DIDO1: variants seen among roughly 807,000 people sequenced by gnomAD.
DIDO1 encodes death inducer-obliterator 1, also known as death-inducer obliterator 1.
Under a neutral mutation model 99.4 loss-of-function variants are expected in DIDO1, and 16 were observed. That is an observed-to-expected ratio of 0.16 (90% CI 0.11 to 0.24). DIDO1 has a LOEUF of 0.24. Among genes scored for constraint, DIDO1 ranks in the 10% least tolerant of loss-of-function variants. DIDO1 has a pLI of 1.00. For missense variants in DIDO1, 2,996 were observed against 3,014.0 expected (o/e 0.99, Z 0.14); for synonymous variants, 1,366 against 1,239.1 (o/e 1.10, Z -2.15).
chr20:62,893,694 G>A lies in DIDO1; in HGVS notation c.3073C>T (p.Leu1025=). The change falls in exon 12 of 16, where the codon CTG becomes TTG. Residue 1025 remains leucine (L), a synonymous_variant. Coordinates refer to ENST00000395343, the MANE Select transcript of DIDO1 (RefSeq NM_001193369.2). ...ATATTTGGTGACGGAGGAACTGACAGGTATCTTGGGTCAGGAGATGAGGAT... is the reference window on the plus strand; with the variant it reads ...ATATTTGGTGACGGAGGAACTGACAAGTATCTTGGGTCAGGAGATGAGGAT... ...KPSSSPDPRY[L]SVPPSPNIST... 2 of 1,605,786 alleles carry A rather than the reference G, an allele frequency of 1.2e-6. No individual in the cohort carries two copies. The highest frequency in any genetic ancestry group is 1.7e-6 in the Non-Finnish European group (2 of 1,172,978).
chr20:62,903,843 G>C (rs1402232774), intron 6 of DIDO1, among the ~76,000 whole-genome samples: 12 of 152,182 alleles, frequency 7.9e-5, no homozygotes, highest in Admixed American at 2.0e-4. Context: ...CAGAGGAGCT[G>C]ATGTGTGGCA....
rs1206128724 is a variant in DIDO1 at position 62,910,831 on chromosome 20, C to CA, written c.781dup (p.Cys261LeufsTer2). ...CAGGGCGTTGGGGTCGTAACCCTCA[C>CA]ATTCAGGCTTCGGTCGGCCCAAGTC... On this transcript the variant is annotated frameshift_variant, in exon 3 of 16. Coordinates refer to ENST00000395343, the MANE Select transcript of DIDO1 (RefSeq NM_001193369.2). LOFTEE classifies it high-confidence loss of function. 6.2e-7 allele frequency: 1 copy of CA among 1,614,112 alleles called. No individual in the cohort carries two copies. Among genetic ancestry groups the CA allele is most frequent in the Non-Finnish European group, 8.5e-7 (1 of 1,180,062 alleles).
chr20:62,890,974 G>T lies in DIDO1; in HGVS notation c.3527C>A (p.Pro1176His). Reference protein sequence around the residue: ...AQDPVPSKLLPFEGPGLESPR... With the variant: ...AQDPVPSKLLHFEGPGLESPR... The stretch of plus-strand genomic sequence containing the variant: ...CCGGCGCTTACCTGGTCCCTCAAAG[G>T]GCAAGAGTTTGGATGGAACAGGGTC... The change falls in exon 15 of 16, where the codon CCC becomes CAC. Residue 1176 changes from proline (P) to histidine (H), a missense_variant. Physicochemically the swap from Pro to His is moderately conservative, Grantham distance 77 (BLOSUM62 -2). Transcript: ENST00000395343. 2 of 1,614,048 alleles carry T rather than the reference G, an allele frequency of 1.2e-6. No individual in the cohort carries two copies. The highest frequency in any genetic ancestry group is 1.7e-6 in the Non-Finnish European group (2 of 1,180,040).
Position 62,910,887 on chromosome 20 carries a change from C to G in DIDO1, c.726G>C (p.Ala242=), listed in dbSNP as rs34097003. The G allele has an allele frequency of 6.2e-7, 1 of 1,614,148 alleles. No homozygotes were observed. Among genetic ancestry groups the G allele is most frequent in the Non-Finnish European group, 8.5e-7 (1 of 1,180,038 alleles). The change falls in exon 3 of 16, where the codon GCG becomes GCC. Residue 242 remains alanine (A), a synonymous_variant. Transcript: ENST00000395343. ...DDRESKLEGK[A]AQDIKDEEPG... ...GCTCCTCATCTTTGATGTCCTGAGC[C>G]GCCTTTCCCTCCAACTTACTCTCTC... is the stretch of plus-strand genomic sequence containing the variant.
At chr20:62,889,707 C>A in intron 15 of DIDO1, 1 of 985,440 alleles carries the variant, frequency 1.0e-6, no homozygotes, top group Non-Finnish European at 1.2e-6. Context: ...CACCAAGAAC[C>A]TCTACCAGGG....
upstream of DIDO1, among the ~76,000 whole-genome samples, chr20:62,927,806 T>C (rs2065279661): frequency 6.6e-6 from 1 of 152,198 alleles, no homozygotes; most frequent in Non-Finnish European, 1.5e-5. Context: ...CAACGCAGCT[T>C]GTTTTTGCTG....
chr20:62,890,033 C>T (rs1234667806), intron 15 of DIDO1: 17 of 985,450 alleles, frequency 1.7e-5, no homozygotes, highest in South Asian at 9.4e-5. Context: ...AGCTAGGGTG[C>T]GGCATGAGGG....
upstream of DIDO1, among the ~76,000 whole-genome samples, chr20:62,929,589 C>T (rs2147604594): frequency 6.6e-6 from 1 of 151,066 alleles, no homozygotes; most frequent in Admixed American, 6.6e-5. Context: ...CCCGGCGCGC[C>T]GGGGGCTGTA....
chr20:62,907,172 G>C lies in DIDO1; in HGVS notation c.1349C>G (p.Pro450Arg). The C allele has an allele frequency of 1.2e-6, 2 of 1,614,222 alleles. No homozygotes were observed. The highest frequency in any genetic ancestry group is 1.7e-6 in the Non-Finnish European group (2 of 1,180,044). The change falls in exon 5 of 16, where the codon CCC becomes CGC. Residue 450 changes from proline to arginine, a missense_variant. By Grantham distance (103) the Pro-to-Arg change is moderately radical. Transcript: ENST00000395343. Reference protein sequence around the residue: ...KEKMKMKPEKPSLPKCGAQAG... With the variant: ...KEKMKMKPEKRSLPKCGAQAG... ...CTGAGCACCGCATTTCGGAAGACTG[G>C]GCTTCTCTGGCTTCATCTTCATCTT...
At chr20:62,889,578 A>G in intron 15 of DIDO1, 1 of 985,442 alleles carries the variant, frequency 1.0e-6, no homozygotes. Flanking sequence ...TCGCACTTGC[A>G]ACTGACCAGT....
chr20:62,924,448 C>T lies in DIDO1; in HGVS notation c.-200+1991G>A, dbSNP rs367825419. 5.3e-5 allele frequency among the ~76,000 whole-genome samples: 8 copies of T among 152,304 alleles called. 1 individual carries two copies. Among genetic ancestry groups the T allele is most frequent in the Admixed American group, 2.6e-4 (4 of 15,302 alleles). On this transcript the variant is annotated intron_variant, in intron 1 of 15. Coordinates refer to ENST00000395343, the MANE Select transcript of DIDO1 (RefSeq NM_001193369.2). ...GTGTCTTGTTTACAGAGATTCCAAA[C>T]AATGAAGACGTGGCACAGCTTAAAA...
rs1364858577 is a variant in DIDO1, at chr20:62,916,900, A to T, written c.-199-2494T>A. The stretch of plus-strand genomic sequence containing the variant: ...TTCTCCCTTTCTTTCATGAAAACTG[A>T]CTGCTGTGTTCACTCTGAACACGTC... On this transcript the variant is annotated intron_variant, in intron 1 of 15. Transcript: ENST00000395343. 2.6e-5 allele frequency among the ~76,000 whole-genome samples: 4 copies of T among 152,202 alleles called. No homozygotes were observed. The East Asian group carries it at 7.7e-4, about 29-fold the overall frequency.
intron 6 of DIDO1, among the ~76,000 whole-genome samples, chr20:62,898,487 A>G (rs1164459675): frequency 6.6e-6 from 1 of 152,256 alleles, no homozygotes; most frequent in Non-Finnish European, 1.5e-5. Flanking sequence ...CAATGGTGTC[A>G]CTGTTAACAG....
chr20:62,905,375 A>G lies in DIDO1; in HGVS notation c.1588+512T>C, dbSNP rs73314629. 4,275 of 1,450,286 alleles carry G rather than the reference A, an allele frequency of 2.9e-3. 125 individuals are homozygous for G. The African/African-American group carries it at 0.055, about 19-fold the overall frequency. The allele number at this position is 1,450,286 out of a possible 1,614,324, so 89.8% of individuals were successfully genotyped here. A position where few individuals can be genotyped will look rare whatever the true frequency, so the allele number is the denominator to read the frequency against. On this transcript the variant is annotated intron_variant, in intron 6 of 15. Transcript: ENST00000395343. ...ATCCCCTATCTGCCCAGTCAAAAAT[A>G]AATGTACACCTGAAAATCAGATGCA... is the stretch of plus-strand genomic sequence containing the variant.
intron 6 of DIDO1, 185 bp downstream of exon 6, chr20:62,905,702 T>C (rs1291937037): frequency 6.2e-7 from 1 of 1,609,810 alleles, no homozygotes; most frequent in African/African-American, 1.3e-5. Context: ...CCTGACAGAC[T>C]AGGGATGGAC....
chr20:62,933,228 A>T (rs896636344), intron 1 of DIDO1, among the ~76,000 whole-genome samples: 31 of 152,160 alleles, frequency 2.0e-4, no homozygotes, highest in African/African-American at 7.2e-4. Context: ...AAAAACAACA[A>T]CAAAAGAATA....
chr20:62,929,441 C>G (rs1485300137), upstream of DIDO1: 1 of 152,176 alleles, frequency 6.6e-6, no homozygotes, highest in African/African-American at 2.4e-5. Context: ...TCTGCCGAGG[C>G]AGGATGGAGG....
intron 6 of DIDO1, among the ~76,000 whole-genome samples, chr20:62,901,355 G>A (rs761745934): frequency 6.6e-6 from 1 of 152,192 alleles, no homozygotes; most frequent in Non-Finnish European, 1.5e-5. Flanking sequence ...CTCGTGTGAT[G>A]AGGGCCACGT....
intron 6 of DIDO1, among the ~76,000 whole-genome samples, chr20:62,903,670 C>T (rs777549070): frequency 2.0e-5 from 3 of 152,188 alleles, no homozygotes; most frequent in Non-Finnish European, 2.9e-5. Flanking sequence ...ACAACATTTA[C>T]GGGATAACAA....
Sources: allele counts gnomAD v4.1 joint callset (sites outside exome capture counted in the v4.1 genomes callset), GRCh38; gene constraint gnomAD v4.1.1; transcripts MANE v1.5; gene names NCBI Gene and HGNC (gene_info 2026-07-23, HGNC 2026-07-21).